The following SLC25A13 variants were observed in gnomAD, a reference collection of about 807,000 sequenced individuals.
The protein encoded by SLC25A13 is electrogenic aspartate/glutamate antiporter SLC25A13, mitochondrial.
In SLC25A13, 70 loss-of-function variants were observed where a neutral mutation model predicts 85.5. The ratio of observed to expected loss-of-function variants is 0.82; its 90% CI spans 0.68 to 1.00. The LOEUF is 1.00. Among genes scored for constraint, SLC25A13 ranks in the 50% least tolerant of loss-of-function variants. SLC25A13 has a pLI of 0.00. For missense variants in SLC25A13, 765 were observed against 819.8 expected (o/e 0.93, Z 0.82); for synonymous variants, 259 against 288.7 (o/e 0.90, Z 1.04).
intron 13 of SLC25A13, among the ~76,000 whole-genome samples, chr7:96,153,239 A>C (rs897754929): frequency 6.6e-6 from 1 of 152,244 alleles, no homozygotes; most frequent in South Asian, 2.1e-4. Context: ...GATTTAAAAA[A>C]ATCAAACAGA....
At chr7:96,166,929 A>G (rs1482562261) in intron 13 of SLC25A13, 1 of 152,188 alleles carries the variant, frequency 6.6e-6, no homozygotes, top group African/African-American at 2.4e-5. Context: ...TACCTCATGC[A>G]GGGAAGACTG....
At chr7:96,162,131 G>A (rs1793530217) in intron 13 of SLC25A13, among the ~76,000 whole-genome samples, 1 of 152,168 alleles carries the variant, frequency 6.6e-6, no homozygotes, top group African/African-American at 2.4e-5. Context: ...CACACTATGA[G>A]GCTACGTATC....
chr7:96,196,348 T>C (rs1795062275), intron 5 of SLC25A13, among the ~76,000 whole-genome samples: 1 of 152,224 alleles, frequency 6.6e-6, no homozygotes, highest in African/African-American at 2.4e-5. Context: ...TTCCCTAGTT[T>C]ATAACTCAAC....
At chr7:96,157,561 T>C (rs1793332461) in intron 13 of SLC25A13, among the ~76,000 whole-genome samples, 1 of 152,158 alleles carries the variant, frequency 6.6e-6, no homozygotes, top group African/African-American at 2.4e-5. Context: ...CCCAGCACTT[T>C]GGGAGGCTGA....
chr7:96,162,538 G>C lies in SLC25A13; in HGVS notation c.1311+7507C>G, dbSNP rs1268369442. On this transcript the variant is annotated intron_variant, in intron 13 of 17. Transcript: ENST00000265631. The stretch of plus-strand genomic sequence containing the variant: ...GGCCTGGCGCACAAAGATGAGGTTT[G>C]CCAATCAGATTTCCTCTCTCAATAA... 2.6e-5 allele frequency among the ~76,000 whole-genome samples: 4 copies of C among 152,026 alleles called. No individual in the cohort carries two copies. In the South Asian group the frequency reaches 8.3e-4, roughly 32 times the overall value.
At chr7:96,287,838 G>A (rs568644594) in intron 2 of SLC25A13, among the ~76,000 whole-genome samples, 28 of 152,328 alleles carry the variant, frequency 1.8e-4, no homozygotes, top group African/African-American at 6.3e-4. Context: ...TTCAAAGAAC[G>A]ATGACTTCTT....
intron 1 of SLC25A13, among the ~76,000 whole-genome samples, chr7:96,311,937 T>A (rs1390848860): frequency 6.6e-6 from 1 of 152,200 alleles, no homozygotes; most frequent in Non-Finnish European, 1.5e-5. Flanking sequence ...GAGGTTGTTA[T>A]GTCCCGTTCA....
At chr7:96,124,174 GA>G (rs1280631978) in intron 15 of SLC25A13, among the ~76,000 whole-genome samples, 1 of 152,094 alleles carries the variant, frequency 6.6e-6, no homozygotes, top group Non-Finnish European at 1.5e-5. Flanking sequence ...ACAACAAAAA[GA>G]AAACATGACT....
chr7:96,241,893 C>T (rs953838120), intron 3 of SLC25A13, among the ~76,000 whole-genome samples: 2 of 152,154 alleles, frequency 1.3e-5, no homozygotes, highest in East Asian at 1.9e-4. Context: ...TCTCTGTCCT[C>T]GCTTATTCTC....
intron 1 of SLC25A13, 33 bp downstream of exon 1, chr7:96,321,909 G>T: frequency 6.6e-7 from 1 of 1,525,976 alleles, no homozygotes; most frequent in East Asian, 2.6e-5. Context: ...GATCCGGCAG[G>T]CGCGCTCCCC....
chr7:96,160,497 C>G (rs1793464730), intron 13 of SLC25A13, among the ~76,000 whole-genome samples: 2 of 152,204 alleles, frequency 1.3e-5, no homozygotes, highest in Non-Finnish European at 2.9e-5. Context: ...TCTGAGATCA[C>G]AGTGCCGGCA....
At chr7:96,191,084 A>G in intron 7 of SLC25A13, 25 bp downstream of exon 7, 5 of 1,613,342 alleles carry the variant, frequency 3.1e-6, no homozygotes, top group Admixed American at 3.3e-5. Flanking sequence ...CTTGCAGGCT[A>G]GAATTCAGAT....
rs1796687078 is a variant in SLC25A13 at position 96,234,866 on chromosome 7, AG to A, written c.263del (p.Pro88LeufsTer7). On this transcript the variant is annotated frameshift_variant, in exon 4 of 18. Transcript: ENST00000265631. LOFTEE classifies it high-confidence loss of function. ...GAAAGGCTACCATAAACAAAGCATC[AG>A]GGGCACACAGGACAGATTCAAAGGC... ...FVAFESVLCAPDALFMVAFQL... is the reference protein window; with the variant it reads ...FVAFESVLCAXDALFMVAFQL... The A allele has an allele frequency of 6.2e-7, 1 of 1,613,866 alleles. No individual in the cohort carries two copies. The highest frequency in any genetic ancestry group is 1.1e-5 in the South Asian group (1 of 91,084).
At chr7:96,171,581 T>A in intron 11 of SLC25A13, 57 bp from the exon 12 acceptor site, 1 of 1,457,496 alleles carries the variant, frequency 6.9e-7, no homozygotes, top group Non-Finnish European at 9.6e-7. Flanking sequence ...ACTAAACAAA[T>A]CAACAGTTCT....
chr7:96,149,753 G>T (rs1792953090), intron 13 of SLC25A13, among the ~76,000 whole-genome samples: 1 of 151,968 alleles, frequency 6.6e-6, no homozygotes, highest in Admixed American at 6.6e-5. Context: ...ATGGTGTCTG[G>T]GTCTCTCCAC....
chr7:96,140,135 G>T (rs7783692), intron 14 of SLC25A13, among the ~76,000 whole-genome samples: 69,112 of 146,374 alleles, frequency 0.47, 17,117 homozygotes, highest in African/African-American at 0.66. Context: ...ATTTTTTGTA[G>T]TTTTAGTAGA....
chr7:96,297,067 A>C, intron 1 of SLC25A13, 116 bp from the exon 2 acceptor site: 1 of 934,238 alleles, frequency 1.1e-6, no homozygotes, highest in Non-Finnish European at 1.7e-6. Flanking sequence ...TTTTGTACTT[A>C]AATACCATGT....
chr7:96,286,698 G>A (rs1010574581), intron 2 of SLC25A13, among the ~76,000 whole-genome samples: 17 of 152,164 alleles, frequency 1.1e-4, no homozygotes, highest in African/African-American at 3.9e-4. Context: ...GAGCCATGAT[G>A]TATGCATTGA....
intron 2 of SLC25A13, among the ~76,000 whole-genome samples, chr7:96,289,027 C>T (rs1437636208): frequency 6.6e-6 from 1 of 152,194 alleles, no homozygotes; most frequent in African/African-American, 2.4e-5. Context: ...AGATTGACAC[C>T]TCACACAGCC....
Sources: allele counts gnomAD v4.1 joint callset (sites outside exome capture counted in the v4.1 genomes callset), GRCh38; gene constraint gnomAD v4.1.1; transcripts MANE v1.5; gene names NCBI Gene and HGNC (gene_info 2026-07-23, HGNC 2026-07-21).